Variants in WWTR1 observed in about 807,000 individuals in gnomAD.
The protein encoded by WWTR1 is WW domain containing transcription regulator 1, also known as WW domain-containing transcription regulator protein 1.
Under a neutral mutation model 40.1 loss-of-function variants are expected in WWTR1, and 13 were observed. The observed-to-expected ratio is 0.32, with a 90% CI of 0.21 to 0.52. The LOEUF is 0.52. Among genes scored for constraint, WWTR1 ranks in the 20% least tolerant of loss-of-function variants. The pLI, the probability that WWTR1 is intolerant of heterozygous loss-of-function variation, is 0.97. For missense variants in WWTR1, 436 were observed against 523.1 expected (o/e 0.83, Z 1.63); for synonymous variants, 230 against 210.1 (o/e 1.09, Z -0.82).
At chr3:149,663,733 C>A (rs1713686281) in intron 2 of WWTR1, among the ~76,000 whole-genome samples, 1 of 152,070 alleles carries the variant, frequency 6.6e-6, no homozygotes, top group Non-Finnish European at 1.5e-5. Context: ...CCTAAGAAGG[C>A]CACAATTCCT....
intron 2 of WWTR1, among the ~76,000 whole-genome samples, chr3:149,591,009 T>C (rs1738692022): frequency 6.6e-6 from 1 of 152,082 alleles, no homozygotes; most frequent in African/African-American, 2.4e-5. Flanking sequence ...CTTTTTTTTT[T>C]TTTTTAACAC....
intron 2 of WWTR1, among the ~76,000 whole-genome samples, chr3:149,618,186 G>A (rs138483409): frequency 7.7e-4 from 117 of 152,312 alleles, no homozygotes; most frequent in African/African-American, 2.6e-3. Flanking sequence ...TCAGAAGAGC[G>A]TCTGAGAATA....
intron 4 of WWTR1, among the ~76,000 whole-genome samples, chr3:149,720,375 T>C (rs558445424): frequency 6.6e-6 from 1 of 152,322 alleles, no homozygotes; most frequent in South Asian, 2.1e-4. Context: ...TTGAAAAGAC[T>C]GTCCTTTTCT....
chr3:149,622,882 C>T (rs1402397238), intron 2 of WWTR1, among the ~76,000 whole-genome samples: 1 of 121,072 alleles, frequency 8.3e-6, no homozygotes, highest in Non-Finnish European at 1.9e-5. Flanking sequence ...AGAGTGAGAC[C>T]TTGTCTCAAA....
chr3:149,562,294 CA>C (rs11446637), intron 3 of WWTR1, among the ~76,000 whole-genome samples: 6,618 of 93,888 alleles, frequency 0.07, 293 homozygotes, highest in African/African-American at 0.16. Context: ...GATTCTGTCT[CA>C]AAAAAAAAAA....
At chr3:149,643,776 T>C (rs1712328819) in intron 2 of WWTR1, among the ~76,000 whole-genome samples, 2 of 152,206 alleles carry the variant, frequency 1.3e-5, no homozygotes. Flanking sequence ...AGTCATTCAC[T>C]GGACATTTTT....
intron 4 of WWTR1, among the ~76,000 whole-genome samples, chr3:149,536,412 T>A (rs1469821): frequency 0.011 from 1,711 of 152,160 alleles, 37 homozygotes; most frequent in African/African-American, 0.039. Flanking sequence ...CATTTATGCT[T>A]CATGATCTGC....
rs567955623 is a variant in WWTR1, at chr3:149,669,530, G to T, written c.-4+258C>A. ...TCCCCAGTACTAGAGTCCAGTGGGA[G>T]GGAAAAGGAAAGGAAACATTAAAAG... On this transcript the variant is annotated intron_variant, in intron 2 of 7. Coordinates refer to the WWTR1 transcript ENST00000465804. Among the ~76,000 whole-genome samples the T allele has an allele frequency of 2.4e-3, 372 of 152,324 alleles. 3 individuals are homozygous for T. Among genetic ancestry groups the T allele is most frequent in the Admixed American group, 3.2e-3 (49 of 15,302 alleles).
intron 2 of WWTR1, among the ~76,000 whole-genome samples, chr3:149,655,497 A>T: frequency 6.6e-6 from 1 of 152,236 alleles, no homozygotes; most frequent in East Asian, 1.9e-4. Context: ...TTATTACATC[A>T]TATTCTTGAC....
chr3:149,684,213 G>A (rs78656445), intron 1 of WWTR1, among the ~76,000 whole-genome samples: 3,215 of 151,828 alleles, frequency 0.021, 65 homozygotes, highest in South Asian at 0.092. Flanking sequence ...GTAGAGACAG[G>A]GTCTCGCTAT....
chr3:149,627,279 T>C (rs1400687129), intron 2 of WWTR1, among the ~76,000 whole-genome samples: 1 of 152,168 alleles, frequency 6.6e-6, no homozygotes, highest in Non-Finnish European at 1.5e-5. Context: ...ATTCCCCTTC[T>C]CTCCTGACCA....
At position 149,677,990 on chromosome 3, in the gene WWTR1, C is replaced by A. The variant is rs543600509; in HGVS notation, c.-107-8099G>T. On this transcript the variant is annotated intron_variant, in intron 1 of 7. Coordinates refer to the WWTR1 transcript ENST00000465804. ...TTCACCATGTTGGCCAGGCTGATCT[C>A]GAACTCCTGATCTCAGCTGATCCAC... Among the ~76,000 whole-genome samples, 9 of 151,580 alleles carry A rather than the reference C, an allele frequency of 5.9e-5. No homozygotes were observed. The South Asian group carries it at 1.9e-3, about 32-fold the overall frequency.
At chr3:149,699,145 G>T (rs1040021390) in intron 1 of WWTR1, among the ~76,000 whole-genome samples, 1 of 152,188 alleles carries the variant, frequency 6.6e-6, no homozygotes, top group African/African-American at 2.4e-5. Context: ...AACTTTTACA[G>T]TCTGCTTCCC....
chr3:149,681,714 T>C (rs1714462694), intron 1 of WWTR1, among the ~76,000 whole-genome samples: 1 of 152,184 alleles, frequency 6.6e-6, no homozygotes, highest in Non-Finnish European at 1.5e-5. Flanking sequence ...ATGTGGTGTA[T>C]ATACACAATA....
Position 149,550,756 on chromosome 3 carries a change from TAAAAGACTGC to T in WWTR1, c.569-8229_569-8220del, listed in dbSNP as rs1200356098. On this transcript the variant is annotated intron_variant, in intron 3 of 6. Coordinates refer to ENST00000360632, the MANE Select transcript of WWTR1 (RefSeq NM_015472.6). ...CAAAATACAGGAAAAGCAAGGGTTATAAAAGACTGCTTGAATATCTGCTGACATTTTCCAT... is the reference window on the plus strand; with the variant it reads ...CAAAATACAGGAAAAGCAAGGGTTATTTGAATATCTGCTGACATTTTCCAT... Among the ~76,000 whole-genome samples, 14 of 147,138 alleles carry T rather than the reference TAAAAGACTGC, an allele frequency of 9.5e-5. 1 individual carries two copies. Among genetic ancestry groups the T allele is most frequent in the South Asian group, 2.1e-4 (1 of 4,672 alleles).
intron 6 of WWTR1, among the ~76,000 whole-genome samples, chr3:149,522,579 A>G (rs978350495): frequency 6.6e-6 from 1 of 152,220 alleles, no homozygotes; most frequent in Admixed American, 6.5e-5. Context: ...TGTAACAGAT[A>G]AAAATGAGGC....
At chr3:149,534,910 C>T (rs749031550) in intron 4 of WWTR1, among the ~76,000 whole-genome samples, 12 of 152,188 alleles carry the variant, frequency 7.9e-5, no homozygotes, top group Non-Finnish European at 1.0e-4. Context: ...TATTTGTGAG[C>T]TGAAGGTGTC....
intron 1 of WWTR1, among the ~76,000 whole-genome samples, chr3:149,676,979 C>T (rs1714282647): frequency 1.3e-5 from 2 of 150,974 alleles, no homozygotes; most frequent in African/African-American, 2.4e-5. Flanking sequence ...AGCAATGGGG[C>T]GATCTTGGCT....
At chr3:149,531,881 T>G (rs1438870504) in intron 4 of WWTR1, among the ~76,000 whole-genome samples, 1 of 152,168 alleles carries the variant, frequency 6.6e-6, no homozygotes, top group Non-Finnish European at 1.5e-5. Flanking sequence ...TACTTGGAAA[T>G]ATAAACTAAG....
Sources: gnomAD v4.1 joint callset for allele counts (sites outside exome capture counted in the v4.1 genomes callset) on GRCh38, gnomAD v4.1.1 for gene constraint, MANE v1.5 for transcripts, NCBI Gene and HGNC (gene_info 2026-07-23, HGNC 2026-07-21) for gene names.